Variants in COLGALT1 observed in about 807,000 individuals in gnomAD.
COLGALT1 encodes the protein procollagen galactosyltransferase 1.
In COLGALT1, 43 loss-of-function variants were observed where a neutral mutation model predicts 60.8. That is an observed-to-expected ratio of 0.71 (90% CI 0.55 to 0.91). COLGALT1 has a LOEUF of 0.91. Ranked by LOEUF, COLGALT1 falls within the 40% of genes least tolerant of loss-of-function variation. The pLI, the probability that COLGALT1 is intolerant of heterozygous loss-of-function variation, is 0.00. For missense variants in COLGALT1, 845 were observed against 880.0 expected (o/e 0.96, Z 0.50); for synonymous variants, 369 against 374.2 (o/e 0.99, Z 0.16).
At chr19:17,564,093 A>G (rs1432943851) in intron 3 of COLGALT1, among the ~76,000 whole-genome samples, 1 of 151,734 alleles carries the variant, frequency 6.6e-6, no homozygotes, top group African/African-American at 2.4e-5. Flanking sequence ...TAACAAAAAA[A>G]AAAAATTAGC....
Position 17,559,116 on chromosome 19 carries a change from C to T in COLGALT1, c.261-195C>T, listed in dbSNP as rs576341332. Reference sequence around the variant, plus strand: ...CGGAGCTTGCAGTGAGCCGAGATCGCGCCACTGCACTCCAGCCTGGGCAAC... The same window carrying T: ...CGGAGCTTGCAGTGAGCCGAGATCGTGCCACTGCACTCCAGCCTGGGCAAC... On this transcript the variant is annotated intron_variant, in intron 1 of 11. Transcript: ENST00000252599. Among the ~76,000 whole-genome samples, 15 of 151,500 alleles carry T rather than the reference C, an allele frequency of 9.9e-5. No homozygotes were observed. The South Asian group carries it at 2.7e-3, about 28-fold the overall frequency.
intron 1 of COLGALT1, among the ~76,000 whole-genome samples, chr19:17,558,941 A>G (rs1381729261): frequency 1.3e-5 from 2 of 151,876 alleles, no homozygotes; most frequent in South Asian, 2.1e-4. Context: ...TGGGCGGATC[A>G]CGAGGTCAGG....
chr19:17,576,476 G>A (rs1465346371), intron 6 of COLGALT1, among the ~76,000 whole-genome samples: 3 of 151,670 alleles, frequency 2.0e-5, no homozygotes, highest in Non-Finnish European at 4.4e-5. Flanking sequence ...GGGCTGGGGG[G>A]TAGAGTGAAG....
At chr19:17,566,917 C>T (rs1346123957) in intron 3 of COLGALT1, among the ~76,000 whole-genome samples, 1 of 152,086 alleles carries the variant, frequency 6.6e-6, no homozygotes, top group Non-Finnish European at 1.5e-5. Context: ...AGTTTAAAAC[C>T]AGCCTGGCCA....
In COLGALT1 at chr19:17,572,470, C is replaced by T. The variant is rs762762901; in HGVS notation, c.830-13C>T. 2 of 1,614,038 alleles carry T rather than the reference C, an allele frequency of 1.2e-6. No homozygotes were observed. Among genetic ancestry groups the T allele is most frequent in the Non-Finnish European group, 8.5e-7 (1 of 1,179,972 alleles). On this transcript the variant is annotated splice_polypyrimidine_tract_variant and intron_variant, in intron 5 of 11. Coordinates refer to ENST00000252599, the MANE Select transcript of COLGALT1 (RefSeq NM_024656.4). ...GTTTTTACATTTGTCTGTTGCTTCCCTGCCCACTGCAGAGGTTCAGATGTA... is the reference window on the plus strand; with the variant it reads ...GTTTTTACATTTGTCTGTTGCTTCCTTGCCCACTGCAGAGGTTCAGATGTA...
Position 17,578,068 on chromosome 19 carries a change from C to CCACT in COLGALT1, c.1246_1249dup (p.Tyr417SerfsTer20), listed in dbSNP as rs2076355755. ...AGGGTGAGCTGGGCTGCTTCCTGAGCCACTACAACATCTGGAAGGAGGTGT... is the reference window on the plus strand; with the variant it reads ...AGGGTGAGCTGGGCTGCTTCCTGAGCCACTCACTACAACATCTGGAAGGAGGTGT... On this transcript the variant is annotated frameshift_variant, in exon 9 of 12. Transcript: ENST00000252599. LOFTEE classifies it high-confidence loss of function. The CCACT allele has an allele frequency of 1.2e-6, 2 of 1,609,648 alleles. No homozygotes were observed.
rs1389331916 is a variant in COLGALT1 at position 17,579,559 on chromosome 19, G to C, written c.1344G>C (p.Leu448=). 5 of 1,610,840 alleles carry C rather than the reference G, an allele frequency of 3.1e-6. No homozygotes were observed. The highest frequency in any genetic ancestry group is 4.2e-6 in the Non-Finnish European group (5 of 1,178,024). The part of the protein sequence containing the change: ...LRFEIFFKRR[L]MNLMRDVERE... Reference sequence around the variant, plus strand: ...TTGAGATCTTCTTCAAGAGACGTCTGATGAACCTCATGCGGGATGTGGAGC... The same window carrying C: ...TTGAGATCTTCTTCAAGAGACGTCTCATGAACCTCATGCGGGATGTGGAGC... The change falls in exon 10 of 12, where the codon CTG becomes CTC. Residue 448 remains leucine, a synonymous_variant. Coordinates refer to ENST00000252599, the MANE Select transcript of COLGALT1 (RefSeq NM_024656.4).
chr19:17,556,582 A>T, intron 1 of COLGALT1: 1 of 975,912 alleles, frequency 1.0e-6, no homozygotes, highest in Non-Finnish European at 1.2e-6. Flanking sequence ...GAAACCTTTG[A>T]CTGGTGACTT....
At position 17,568,622 on chromosome 19, in the gene COLGALT1, G is replaced by A. The variant is rs765124364; in HGVS notation, c.738G>A (p.Ala246=). 9.9e-6 allele frequency: 16 copies of A among 1,614,038 alleles called. No individual in the cohort carries two copies. Among genetic ancestry groups the A allele is most frequent in the Admixed American group, 3.3e-5 (2 of 59,980 alleles). The change falls in exon 5 of 12, where the codon GCG becomes GCA. Residue 246 remains alanine (A), a synonymous_variant. Coordinates refer to ENST00000252599, the MANE Select transcript of COLGALT1 (RefSeq NM_024656.4). ...STFLIDLRKA[A]SRNLAFYPPH... Reference sequence around the variant, plus strand: ...TCCTGATCGACCTGCGGAAGGCGGCGTCCAGGAACCTGGCCTTCTACCCAC... The same window carrying A: ...TCCTGATCGACCTGCGGAAGGCGGCATCCAGGAACCTGGCCTTCTACCCAC...
chr19:17,563,581 C>G (rs982254373), intron 3 of COLGALT1, among the ~76,000 whole-genome samples: 1 of 152,162 alleles, frequency 6.6e-6, no homozygotes, highest in Non-Finnish European at 1.5e-5. Context: ...GATCTCCTGA[C>G]CTCGTGATCC....
intron 1 of COLGALT1, chr19:17,556,553 A>T (rs1599773394): frequency 1.0e-6 from 1 of 985,016 alleles, no homozygotes; most frequent in African/African-American, 1.7e-5. Context: ...CTTGGTAGGG[A>T]ATGGGGCAGA....
rs969100470 is a variant in COLGALT1 at position 17,580,185 on chromosome 19, C to T, written c.1395-514C>T. 4.0e-5 allele frequency: 8 copies of T among 198,650 alleles called. No individual in the cohort carries two copies. The East Asian group carries it at 1.1e-3, about 27-fold the overall frequency. 12.3% of individuals were successfully genotyped at this position (198,650 alleles called of 1,614,324 possible). On this transcript the variant is annotated intron_variant, in intron 10 of 11. Coordinates refer to ENST00000252599, the MANE Select transcript of COLGALT1 (RefSeq NM_024656.4). ...CCAGGGCGCCTGGTCTTAGACAAGC[C>T]CCTGGATGGGAGTGCCACCAACATG... is the stretch of plus-strand genomic sequence containing the variant.
At position 17,572,688 on chromosome 19, in the gene COLGALT1, G is replaced by A. The variant is rs559053863; in HGVS notation, c.949+86G>A. On this transcript the variant is annotated intron_variant, in intron 6 of 11. Coordinates refer to ENST00000252599, the MANE Select transcript of COLGALT1 (RefSeq NM_024656.4). ...CAAATCCGTCCCATGAGCACTGACT[G>A]AGTGCCAGGCAGATGCAAGTCCCTG... is the stretch of plus-strand genomic sequence containing the variant. The A allele has an allele frequency of 2.2e-5, 34 of 1,569,802 alleles. No individual in the cohort carries two copies. The Admixed American group carries it at 4.9e-4, about 22-fold the overall frequency.
At chr19:17,567,245 T>C (rs189674259) in intron 3 of COLGALT1, among the ~76,000 whole-genome samples, 161 bp from the exon 4 acceptor site, 1 of 152,364 alleles carries the variant, frequency 6.6e-6, no homozygotes, top group East Asian at 1.9e-4. Context: ...CAGGGGATCC[T>C]GCAGGCCCCC....
At chr19:17,568,815 C>G in intron 5 of COLGALT1, 102 bp downstream of exon 5, 3 of 1,154,936 alleles carry the variant, frequency 2.6e-6, no homozygotes, top group Non-Finnish European at 3.8e-6. Flanking sequence ...AGAACCCAAA[C>G]AATGCAGCGC....
In COLGALT1 at chr19:17,581,210, C is replaced by A. The variant is rs777029758; in HGVS notation, c.1635C>A (p.Asn545Lys). 1 of 1,608,150 alleles carries A rather than the reference C, an allele frequency of 6.2e-7. No homozygotes were observed. Among genetic ancestry groups the A allele is most frequent in the South Asian group, 1.1e-5 (1 of 90,982 alleles). The change falls in exon 12 of 12, where the codon AAC becomes AAA. Residue 545 changes from asparagine (N) to lysine (K), a missense_variant. Transcript: ENST00000252599. ...ACAAGGCCCACTTCTCCCTCCGCAA[C>A]CTGCATGCCTTCTCTGTGGAGCCGC... ...SEYKAHFSLR[N>K]LHAFSVEPLL...
intron 3 of COLGALT1, among the ~76,000 whole-genome samples, chr19:17,564,610 G>A (rs1476352853): frequency 6.6e-6 from 1 of 151,704 alleles, no homozygotes; most frequent in Non-Finnish European, 1.5e-5. Flanking sequence ...TGGAGATGGG[G>A]TTTCGCCATG....
rs762999806 is a variant in COLGALT1, at chr19:17,581,159, C to T, written c.1602-18C>T. The T allele has an allele frequency of 1.7e-5, 28 of 1,601,856 alleles. No individual in the cohort carries two copies. Among genetic ancestry groups the T allele is most frequent in the Non-Finnish European group, 2.4e-5 (28 of 1,175,086 alleles). On this transcript the variant is annotated intron_variant, in intron 11 of 11. Transcript: ENST00000252599. ...CTGAAGCCATTGCTGCCCCTCACTC[C>T]CCTCCTCCTCCCCCCAGGTCCGAGT...
intron 5 of COLGALT1, among the ~76,000 whole-genome samples, chr19:17,570,548 A>G (rs1342187001): frequency 6.6e-6 from 1 of 152,020 alleles, no homozygotes; most frequent in Non-Finnish European, 1.5e-5. Flanking sequence ...TGCCTGGCCA[A>G]CAATTTTTAC....
Sources: allele counts gnomAD v4.1 joint callset (sites outside exome capture counted in the v4.1 genomes callset), GRCh38; gene constraint gnomAD v4.1.1; transcripts MANE v1.5; gene names NCBI Gene and HGNC (gene_info 2026-07-23, HGNC 2026-07-21).